TRPM1: variants seen among roughly 807,000 people sequenced by gnomAD.
TRPM1 encodes the protein transient receptor potential cation channel subfamily M member 1.
A neutral mutation model predicts 149.4 loss-of-function variants in TRPM1; 113 were observed. That is an observed-to-expected ratio of 0.76 (90% confidence interval 0.65 to 0.88). The LOEUF is 0.88. Ranked by LOEUF, TRPM1 falls within the 40% of genes least tolerant of loss-of-function variation. The pLI, the probability that TRPM1 is intolerant of heterozygous loss-of-function variation, is 0.00. For synonymous variants in TRPM1, 741 were observed against 759.5 expected (o/e 0.98, Z 0.40); for missense variants, 1,976 against 2,038.7 (o/e 0.97, Z 0.59).
At chr15:31,012,416 A>T (rs1360656382) in intron 27 of TRPM1, among the ~76,000 whole-genome samples, 1 of 152,204 alleles carries the variant, frequency 6.6e-6, no homozygotes, top group East Asian at 1.9e-4. Context: ...TTTTGCTTTC[A>T]GCACATTGAC....
In TRPM1 at chr15:31,047,200, G is replaced by C. The variant is rs1461423231; in HGVS notation, c.1675C>G (p.Leu559Val). The part of the protein sequence containing the change: ...HISLIDIGLV[L>V]EYLMGGAYRC... ...TAGGCTCCTCCCATGAGGTACTCCA[G>C]CACGAGCCCGATGTCTATGAGGCTG... is the stretch of plus-strand genomic sequence containing the variant. The change falls in exon 15 of 28, where the codon CTG becomes GTG. Residue 559 changes from leucine to valine, a missense_variant. Leu to Val is a conservative substitution (Grantham distance 32). Around this residue, in one of 3 missense-constraint regions of TRPM1, gnomAD observed 1,332 missense variants for 1,347.1 expected, o/e 0.99. Coordinates refer to ENST00000256552, the MANE Select transcript of TRPM1 (RefSeq NM_001252024.2). 4.3e-6 allele frequency: 7 copies of C among 1,614,216 alleles called. No homozygotes were observed. In the South Asian group the frequency reaches 4.4e-5, roughly 10 times the overall value.
chr15:31,119,077 T>C (rs1322409532), intron 1 of TRPM1, among the ~76,000 whole-genome samples: 1 of 151,952 alleles, frequency 6.6e-6, no homozygotes, highest in African/African-American at 2.4e-5. Flanking sequence ...CCGTCTCTAC[T>C]AAAAATACAA....
chr15:31,076,776 T>C (rs1458818414), intron 3 of TRPM1, 129 bp downstream of exon 3: 5 of 767,528 alleles, frequency 6.5e-6, no homozygotes, highest in Non-Finnish European at 1.2e-5. Flanking sequence ...GACTCCCTTG[T>C]TAGTGACTCC....
intron 1 of TRPM1, among the ~76,000 whole-genome samples, chr15:31,145,302 C>T (rs2036211230): frequency 6.6e-6 from 1 of 152,160 alleles, no homozygotes; most frequent in African/African-American, 2.4e-5. Context: ...TGTGGACAGC[C>T]TTCTCCAAGA....
chr15:31,018,873 C>T (rs757226368), intron 27 of TRPM1, among the ~76,000 whole-genome samples: 8 of 152,224 alleles, frequency 5.3e-5, no homozygotes, highest in Non-Finnish European at 8.8e-5. Flanking sequence ...CCAAGCTGAT[C>T]TCGAACTCCT....
At chr15:31,058,689 T>C (rs1164647521) in intron 11 of TRPM1, among the ~76,000 whole-genome samples, 2 of 152,146 alleles carry the variant, frequency 1.3e-5, no homozygotes, top group Non-Finnish European at 2.9e-5. Flanking sequence ...AGGAGGAGTA[T>C]GGAGTGAATT....
intron 1 of TRPM1, among the ~76,000 whole-genome samples, chr15:31,087,291 C>T (rs1449969162): frequency 8.3e-6 from 1 of 121,184 alleles, no homozygotes; most frequent in Non-Finnish European, 1.6e-5. Context: ...GTGCCCCAGG[C>T]TGGAGTGCAG....
chr15:31,026,977 C>T lies in TRPM1; in HGVS notation c.3434G>A (p.Arg1145His), dbSNP rs200369359. 7 of 1,613,990 alleles carry T rather than the reference C, an allele frequency of 4.3e-6. No individual in the cohort carries two copies. The highest frequency in any genetic ancestry group is 4.5e-5 in the East Asian group (2 of 44,896). ...ILSHIYIIIM[R>H]LSGRCRKKRE... ...CTTTTTCCTGCAGCGGCCGCTGAGA[C>T]GCATAATGATGATGTAGATGTGGCT... is the stretch of plus-strand genomic sequence containing the variant. The change falls in exon 26 of 28, where the codon CGT becomes CAT. Residue 1145 changes from arginine to histidine, a missense_variant. By Grantham distance (29) the Arg-to-His change is conservative. This residue lies in a region of TRPM1 where 72 missense variants were observed against 112.7 expected (regional missense o/e 0.64). Transcript: ENST00000256552.
chr15:31,026,084 G>A, intron 27 of TRPM1, 55 bp downstream of exon 27: 4 of 1,604,720 alleles, frequency 2.5e-6, no homozygotes, highest in Admixed American at 1.7e-5. Context: ...AGAGTGGGGC[G>A]CCCGAGTCAG....
At chr15:31,126,574 A>T (rs961125993) in intron 1 of TRPM1, among the ~76,000 whole-genome samples, 1 of 152,134 alleles carries the variant, frequency 6.6e-6, no homozygotes, top group Non-Finnish European at 1.5e-5. Context: ...AGCTGGGAGG[A>T]TGGAGCTGAT....
At chr15:31,134,467 C>A (rs1022924412) in intron 1 of TRPM1, among the ~76,000 whole-genome samples, 5 of 152,160 alleles carry the variant, frequency 3.3e-5, no homozygotes, top group Non-Finnish European at 7.3e-5. Context: ...AGGAAATCTC[C>A]ATTTGTAAAG....
intron 1 of TRPM1, among the ~76,000 whole-genome samples, chr15:31,139,677 G>A (rs1052083496): frequency 6.6e-6 from 1 of 152,218 alleles, no homozygotes; most frequent in African/African-American, 2.4e-5. Context: ...AATAAAAACA[G>A]CTGTGTCTTC....
chr15:31,080,397 C>A (rs1225261420), intron 2 of TRPM1, among the ~76,000 whole-genome samples: 1 of 152,152 alleles, frequency 6.6e-6, no homozygotes, highest in African/African-American at 2.4e-5. Flanking sequence ...TTATGAGGCT[C>A]TGGATAAAAC....
At position 31,063,141 on chromosome 15, in the gene TRPM1, C is replaced by T. The variant is rs768420045; in HGVS notation, c.942G>A (p.Ala314=). ...SGRASDILSF[A]HKYCEEGGII... is the part of the protein sequence containing the mutation. The stretch of plus-strand genomic sequence containing the variant: ...ACCCGCCTTCTTCACAGTACTTGTG[C>T]GCAAAGGACAGGATGTCCGAGGCAC... Residue 314 remains alanine (A), a synonymous_variant, in exon 8 of 28, where the codon GCG becomes GCA. Coordinates refer to ENST00000256552, the MANE Select transcript of TRPM1 (RefSeq NM_001252024.2). 2.8e-5 allele frequency: 46 copies of T among 1,614,114 alleles called. No individual in the cohort carries two copies. The highest frequency in any genetic ancestry group is 7.7e-5 in the South Asian group (7 of 91,086).
At chr15:31,126,300 G>C (rs1055579681) in intron 1 of TRPM1, among the ~76,000 whole-genome samples, 2 of 152,202 alleles carry the variant, frequency 1.3e-5, no homozygotes, top group South Asian at 2.1e-4. Flanking sequence ...GAAGAATGCA[G>C]TTAACAAAAC....
At chr15:31,006,256 C>A (rs1043514916) in intron 27 of TRPM1, among the ~76,000 whole-genome samples, 1 of 152,270 alleles carries the variant, frequency 6.6e-6, no homozygotes, top group South Asian at 2.1e-4. Context: ...CCGCTCACTG[C>A]AACCTCTGTC....
At chr15:31,046,305 T>C (rs894377195) in intron 15 of TRPM1, 72 bp from the exon 16 acceptor site, 2 of 1,403,178 alleles carry the variant, frequency 1.4e-6, no homozygotes, top group African/African-American at 1.5e-5. Context: ...ATTAGCAGTA[T>C]TGTTGATAGT....
rs150259473 is a variant in TRPM1, at chr15:31,138,867, A to C, written c.54+22039T>G. 3.3e-5 allele frequency among the ~76,000 whole-genome samples: 5 copies of C among 152,196 alleles called. No individual in the cohort carries two copies. In the South Asian group the frequency reaches 1.0e-3, roughly 31 times the overall value. ...TATTTTTAAGGGCGCTTCCCTTTCT[A>C]TATGTAAATAATTAGGAACTTTTAC... On this transcript the variant is annotated intron_variant, in intron 1 of 26. Coordinates refer to the TRPM1 transcript ENST00000542188.
chr15:31,080,561 G>C (rs1425268126), intron 2 of TRPM1, among the ~76,000 whole-genome samples: 1 of 152,078 alleles, frequency 6.6e-6, no homozygotes, highest in Non-Finnish European at 1.5e-5. Flanking sequence ...GAAGAACTGA[G>C]GGAAGATTCC....
Sources: gnomAD v4.1 joint callset for allele counts (sites outside exome capture counted in the v4.1 genomes callset) on GRCh38, gnomAD v4.1.1 for gene constraint, gnomAD v4.1.1 regional missense constraint, MANE v1.5 for transcripts, NCBI Gene and HGNC (gene_info 2026-07-23, HGNC 2026-07-21) for gene names.